Variants in JAKMIP2 observed in about 807,000 individuals in gnomAD.
JAKMIP2 encodes the protein janus kinase and microtubule-interacting protein 2.
A neutral mutation model predicts 115.0 loss-of-function variants in JAKMIP2; 25 were observed. The observed-to-expected ratio is 0.22, with a 90% CI of 0.16 to 0.30. JAKMIP2 has a LOEUF of 0.30. Ranked by LOEUF, JAKMIP2 falls within the 10% of genes least tolerant of loss-of-function variation. JAKMIP2 has a pLI of 1.00. For synonymous variants in JAKMIP2, 334 were observed against 343.6 expected, an observed-to-expected ratio of 0.97 and a Z score of 0.31; for missense variants, 642 against 957.6, an observed-to-expected ratio of 0.67 and a Z score of 4.35.
At chr5:147,701,793 A>T (rs184155391) in intron 1 of JAKMIP2, among the ~76,000 whole-genome samples, 2 of 152,278 alleles carry the variant, frequency 1.3e-5, no homozygotes, top group East Asian at 1.9e-4. Context: ...CCCTCACAAG[A>T]CACCAAATGT....
intron 6 of JAKMIP2, 107 bp downstream of exon 6, chr5:147,644,743 C>A: frequency 2.0e-6 from 2 of 1,014,076 alleles, no homozygotes; most frequent in Non-Finnish European, 2.9e-6. Context: ...AAGGAAAAAT[C>A]CAAATAGCAC....
chr5:147,709,001 T>C (rs1752681586), intron 1 of JAKMIP2, among the ~76,000 whole-genome samples: 1 of 152,204 alleles, frequency 6.6e-6, no homozygotes, highest in African/African-American at 2.4e-5. Context: ...ATCCTCTCAA[T>C]GTATCCAGTT....
intron 1 of JAKMIP2, among the ~76,000 whole-genome samples, chr5:147,725,230 G>A (rs370867821): frequency 6.6e-6 from 1 of 152,070 alleles, no homozygotes; most frequent in Non-Finnish European, 1.5e-5. Flanking sequence ...TCTCGGTTCC[G>A]GGAACTGCCC....
At chr5:147,708,939 T>C (rs898708363) in intron 1 of JAKMIP2, among the ~76,000 whole-genome samples, 1 of 152,212 alleles carries the variant, frequency 6.6e-6, no homozygotes, top group Non-Finnish European at 1.5e-5. Context: ...GCAGTGACTC[T>C]CCTAAAGTAA....
chr5:147,616,126 G>T (rs77731318), intron 19 of JAKMIP2, among the ~76,000 whole-genome samples: 2 of 152,004 alleles, frequency 1.3e-5, no homozygotes, highest in African/African-American at 4.8e-5. Context: ...GGATAAGAAC[G>T]CATCAGTTCA....
intron 1 of JAKMIP2, among the ~76,000 whole-genome samples, chr5:147,692,113 C>G (rs1024061411): frequency 1.6e-4 from 24 of 148,158 alleles, no homozygotes; most frequent in African/African-American, 6.1e-4. Context: ...GAAATAGAGT[C>G]TCTGCAAATG....
intron 14 of JAKMIP2, 32 bp downstream of exon 14, chr5:147,631,381 C>T (rs776028500): frequency 7.0e-7 from 1 of 1,420,766 alleles, no homozygotes; most frequent in Non-Finnish European, 9.7e-7. Flanking sequence ...TTTCTAATTT[C>T]TACAAACATA....
intron 1 of JAKMIP2, among the ~76,000 whole-genome samples, chr5:147,731,089 GA>G (rs1753716075): frequency 6.6e-6 from 1 of 152,176 alleles, no homozygotes; most frequent in East Asian, 1.9e-4. Context: ...GGCAGGAAAT[GA>G]AAGTGAGTGT....
chr5:147,782,383 G>T (rs1217400249), intron 1 of JAKMIP2, 73 bp downstream of exon 1: 1 of 1,450,410 alleles, frequency 6.9e-7, no homozygotes, highest in Non-Finnish European at 9.4e-7. Flanking sequence ...TTCAAGTTCA[G>T]GCCAGAAATG....
intron 21 of JAKMIP2, among the ~76,000 whole-genome samples, chr5:147,597,173 G>A (rs1446709402): frequency 2.0e-5 from 3 of 151,932 alleles, no homozygotes; most frequent in African/African-American, 4.8e-5. Context: ...GTGAGCCACC[G>A]CGCCTGGCCG....
intron 1 of JAKMIP2, among the ~76,000 whole-genome samples, chr5:147,691,961 T>C (rs993854130): frequency 6.6e-5 from 10 of 152,098 alleles, no homozygotes; most frequent in African/African-American, 2.2e-4. Context: ...CCATTCCCTT[T>C]GCAAAGTCCT....
At chr5:147,639,501 A>G in intron 10 of JAKMIP2, 131 bp downstream of exon 10, 4 of 1,047,664 alleles carry the variant, frequency 3.8e-6, no homozygotes, top group Middle Eastern at 2.1e-4. Flanking sequence ...TAAAAGCTAT[A>G]ACAATTCAAA....
rs1758344448 is a variant in JAKMIP2 at position 147,650,494 on chromosome 5, C to T, written c.681G>A (p.Leu227=). ...DRIIFSLEKE[L]ETQTGYVQKL... ...TCTGTACATAGCCTGTCTGGGTCTC[C>T]AGTTCCTTTTCCAGGGAAAAGATGA... The change falls in exon 4 of 22, where the codon CTG becomes CTA. Residue 227 remains leucine, a synonymous_variant. Transcript: ENST00000616793. 1 of 1,613,750 alleles carries T rather than the reference C, an allele frequency of 6.2e-7. No homozygotes were observed. The highest frequency in any genetic ancestry group is 1.3e-5 in the African/African-American group (1 of 74,902).
rs755324872 is a variant in JAKMIP2, at chr5:147,637,058, C to A, written c.1531-10G>T. On this transcript the variant is annotated splice_polypyrimidine_tract_variant and intron_variant, in intron 10 of 21. Transcript: ENST00000616793. ...GGAGCTGTTCTTGAGCCTGGTGAAACCAAAATTCCAGAACTCAGCAAGTAA... is the reference window on the plus strand; with the variant it reads ...GGAGCTGTTCTTGAGCCTGGTGAAAACAAAATTCCAGAACTCAGCAAGTAA... 1.1e-5 allele frequency: 9 copies of A among 825,102 alleles called. No individual in the cohort carries two copies. The highest frequency in any genetic ancestry group is 3.4e-5 in the African/African-American group (2 of 59,422). 51.1% of individuals were successfully genotyped at this position (825,102 alleles called of 1,614,324 possible).
rs1242039798 is a variant in JAKMIP2, at chr5:147,586,976, T to C, written c.*4731A>G. On this transcript the variant is annotated 3_prime_UTR_variant, in exon 22 of 22. Transcript: ENST00000616793. The stretch of plus-strand genomic sequence containing the variant: ...AGGATTGTGAATCTGCCCTGCCCCA[T>C]TCTGAAATGGAATAATAGAATTTGG... 1.3e-5 allele frequency: 2 copies of C among 152,138 alleles called. No homozygotes were observed. Among genetic ancestry groups the C allele is most frequent in the Non-Finnish European group, 2.9e-5 (2 of 68,020 alleles). The allele number at this position is 152,138 out of a possible 1,614,324, so 9.4% of individuals were successfully genotyped here.
At position 147,588,408 on chromosome 5, in the gene JAKMIP2, C is replaced by CTTTTTTTT. The variant is rs5872030; in HGVS notation, c.*3291_*3298dup. 2 of 133,830 alleles carry CTTTTTTTT rather than the reference C, an allele frequency of 1.5e-5. No individual in the cohort carries two copies. Among genetic ancestry groups the CTTTTTTTT allele is most frequent in the African/African-American group, 2.8e-5 (1 of 36,162 alleles). The allele number at this position is 133,830 out of a possible 1,614,324, so 8.3% of individuals were successfully genotyped here. On this transcript the variant is annotated 3_prime_UTR_variant, in exon 22 of 22. Coordinates refer to ENST00000616793, the MANE Select transcript of JAKMIP2 (RefSeq NM_001270941.2). Reference sequence around the variant, plus strand: ...CACAGGAAATCTCAGTTATTGATAACTTTTTTTTTTTTTTTTTTGCTATTG... The same window carrying CTTTTTTTT: ...CACAGGAAATCTCAGTTATTGATAACTTTTTTTTTTTTTTTTTTTTTTTTTTGCTATTG...
intron 1 of JAKMIP2, among the ~76,000 whole-genome samples, chr5:147,765,303 T>G (rs1455226111): frequency 6.6e-6 from 1 of 152,046 alleles, no homozygotes; most frequent in Non-Finnish European, 1.5e-5. Flanking sequence ...GTATAATGAT[T>G]AGTAGATAGG....
At chr5:147,717,304 G>T (rs1280345133) in intron 1 of JAKMIP2, among the ~76,000 whole-genome samples, 7 of 142,672 alleles carry the variant, frequency 4.9e-5, no homozygotes, top group Non-Finnish European at 9.2e-5. Flanking sequence ...TGTTCTTTTG[G>T]CTTAGGATTG....
In JAKMIP2 at chr5:147,589,001, G is replaced by A. The variant is rs1469471834; in HGVS notation, c.*2706C>T. 6.6e-6 allele frequency: 1 copy of A among 152,060 alleles called. No homozygotes were observed. The highest frequency in any genetic ancestry group is 1.9e-4 in the East Asian group (1 of 5,176). 9.4% of individuals were successfully genotyped at this position (152,060 alleles called of 1,614,324 possible). A position where few individuals can be genotyped will look rare whatever the true frequency, so the allele number is the denominator to read the frequency against. On this transcript the variant is annotated 3_prime_UTR_variant, in exon 22 of 22. Transcript: ENST00000616793. The stretch of plus-strand genomic sequence containing the variant: ...AGTGAAGAAAAATGGAAAAGTCTTA[G>A]ATATGTGAGAGTAATTTATCCTCTT...
Sources: gnomAD v4.1 joint callset for allele counts (sites outside exome capture counted in the v4.1 genomes callset) on GRCh38, gnomAD v4.1.1 for gene constraint, MANE v1.5 for transcripts, NCBI Gene and HGNC (gene_info 2026-07-23, HGNC 2026-07-21) for gene names.